PGM5: variants seen among roughly 807,000 people sequenced by gnomAD.
PGM5 encodes the protein phosphoglucomutase-like protein 5.
A neutral mutation model predicts 59.2 loss-of-function variants in PGM5; 23 were observed. The observed-to-expected ratio is 0.39, with a 90% CI of 0.28 to 0.55. PGM5 has a LOEUF of 0.55. Ranked by LOEUF, PGM5 falls within the 20% of genes least tolerant of loss-of-function variation. The pLI, the probability that PGM5 is intolerant of heterozygous loss-of-function variation, is 0.66. For missense variants in PGM5, 574 were observed against 748.3 expected, an observed-to-expected ratio of 0.77 and a Z score of 2.72; for synonymous variants, 214 against 286.0, an observed-to-expected ratio of 0.75 and a Z score of 2.54.
At chr9:68,413,003 A>T (rs1822960080) in intron 6 of PGM5, among the ~76,000 whole-genome samples, 1 of 152,204 alleles carries the variant, frequency 6.6e-6, no homozygotes. Flanking sequence ...AACAAGATTG[A>T]TGTGGTAGGA....
At chr9:68,492,419 G>C (rs190209093) in intron 9 of PGM5, among the ~76,000 whole-genome samples, 8 of 152,160 alleles carry the variant, frequency 5.3e-5, no homozygotes, top group Non-Finnish European at 8.8e-5. Context: ...TTAAAAGAGC[G>C]TGTAAGGAGT....
chr9:68,500,079 A>T (rs1248328753), intron 10 of PGM5, among the ~76,000 whole-genome samples: 2 of 151,408 alleles, frequency 1.3e-5, no homozygotes, highest in Non-Finnish European at 2.9e-5. Context: ...GGTGTCTTCA[A>T]TCTGGGTTTT....
At chr9:68,367,646 GC>G (rs1554676807) in intron 1 of PGM5, among the ~76,000 whole-genome samples, 1 of 152,156 alleles carries the variant, frequency 6.6e-6, no homozygotes, top group Non-Finnish European at 1.5e-5. Context: ...AGAAGATCCA[GC>G]TTGGATGTCA....
At chr9:68,502,113 G>T (rs547931186) in intron 10 of PGM5, among the ~76,000 whole-genome samples, 1 of 152,310 alleles carries the variant, frequency 6.6e-6, no homozygotes, top group East Asian at 1.9e-4. Flanking sequence ...GGTAAGGAGA[G>T]GATGGGCCGG....
chr9:68,516,416 T>C (rs1404585423), intron 10 of PGM5, among the ~76,000 whole-genome samples: 2 of 152,176 alleles, frequency 1.3e-5, no homozygotes, highest in Non-Finnish European at 2.9e-5. Flanking sequence ...GCTAGCCCTT[T>C]CTTAGAAGGC....
At chr9:68,422,402 C>T (rs1823146760) in intron 6 of PGM5, among the ~76,000 whole-genome samples, 1 of 149,352 alleles carries the variant, frequency 6.7e-6, no homozygotes, top group Non-Finnish European at 1.5e-5. Flanking sequence ...CAAAACTGAC[C>T]CTCAAGAGTC....
chr9:68,431,225 T>A (rs1554683008), intron 6 of PGM5, among the ~76,000 whole-genome samples: 1 of 152,202 alleles, frequency 6.6e-6, no homozygotes, highest in East Asian at 1.9e-4. Context: ...GCCCTTGTTC[T>A]CCACTGCCGC....
At chr9:68,508,970 G>A (rs1368160520) in intron 10 of PGM5, among the ~76,000 whole-genome samples, 2 of 152,238 alleles carry the variant, frequency 1.3e-5, no homozygotes, top group African/African-American at 4.8e-5. Context: ...CCTGGAGGTT[G>A]CCTGTGGCCT....
intron 10 of PGM5, among the ~76,000 whole-genome samples, chr9:68,527,109 G>T (rs918549899): frequency 7.2e-5 from 11 of 152,132 alleles, no homozygotes; most frequent in Admixed American, 5.9e-4. Context: ...GAGTTAAGTG[G>T]AGATCAGAAA....
At chr9:68,515,689 G>T (rs1358287802) in intron 10 of PGM5, among the ~76,000 whole-genome samples, 2 of 152,134 alleles carry the variant, frequency 1.3e-5, no homozygotes, top group Non-Finnish European at 2.9e-5. Context: ...GATTTGAGTG[G>T]CTTTCTCACT....
chr9:68,481,000 G>A lies in PGM5; in HGVS notation c.1295+1447G>A, dbSNP rs370548657. ...GTAAAGAACTTGGAGGTGGGGCAAG[G>A]GAATCCTTGGGTAGTCTCAGAGACT... On this transcript the variant is annotated intron_variant, in intron 8 of 10. Coordinates refer to ENST00000396396, the MANE Select transcript of PGM5 (RefSeq NM_021965.4). Among the ~76,000 whole-genome samples, 6 of 152,276 alleles carry A rather than the reference G, an allele frequency of 3.9e-5. No individual in the cohort carries two copies. The East Asian group carries it at 9.7e-4, about 25-fold the overall frequency.
intron 9 of PGM5, among the ~76,000 whole-genome samples, chr9:68,485,824 G>T (rs1367358806): frequency 6.6e-6 from 1 of 152,196 alleles, no homozygotes; most frequent in African/African-American, 2.4e-5. Context: ...ATTGGCTGGT[G>T]GTCCTGAGAC....
intron 1 of PGM5, among the ~76,000 whole-genome samples, chr9:68,365,576 A>C (rs1160479258): frequency 6.6e-6 from 1 of 152,240 alleles, no homozygotes; most frequent in African/African-American, 2.4e-5. Context: ...AGTTGTATGA[A>C]AAGAAAAATT....
At chr9:68,412,531 G>C (rs1822952021) in intron 6 of PGM5, among the ~76,000 whole-genome samples, 1 of 152,192 alleles carries the variant, frequency 6.6e-6, no homozygotes, top group South Asian at 2.1e-4. Context: ...CAAGCAGCTT[G>C]GTTTTCCTTA....
intron 6 of PGM5, chr9:68,464,372 A>T (rs1823900870): frequency 6.6e-6 from 1 of 152,222 alleles, no homozygotes; most frequent in Non-Finnish European, 1.5e-5. Context: ...TGCAGTCACA[A>T]CAAAGGCCTC....
At chr9:68,450,082 C>A (rs1262797111) in intron 6 of PGM5, among the ~76,000 whole-genome samples, 1 of 151,974 alleles carries the variant, frequency 6.6e-6, no homozygotes, top group Non-Finnish European at 1.5e-5. Context: ...AGTGTGAACC[C>A]CTTTTGAGGA....
intron 10 of PGM5, among the ~76,000 whole-genome samples, chr9:68,509,399 G>C (rs1564025476): frequency 6.6e-6 from 1 of 152,180 alleles, no homozygotes; most frequent in Non-Finnish European, 1.5e-5. Flanking sequence ...CATCACTTGG[G>C]ACATACTTTG....
At chr9:68,396,221 AC>A in intron 6 of PGM5, 1 of 152,198 alleles carries the variant, frequency 6.6e-6, no homozygotes, top group East Asian at 1.9e-4. Flanking sequence ...AAGATGTTGA[AC>A]CAATGATCAG....
At chr9:68,411,442 T>A (rs1445224483) in intron 6 of PGM5, among the ~76,000 whole-genome samples, 3 of 142,728 alleles carry the variant, frequency 2.1e-5, no homozygotes, top group African/African-American at 7.6e-5. Flanking sequence ...TATACACATA[T>A]ATGTAGTGTG....
Sources: allele counts gnomAD v4.1 joint callset (sites outside exome capture counted in the v4.1 genomes callset), GRCh38; gene constraint gnomAD v4.1.1; transcripts MANE v1.5; gene names NCBI Gene and HGNC (gene_info 2026-07-23, HGNC 2026-07-21).